Variants in DNER observed in about 807,000 individuals in gnomAD.
DNER encodes delta and Notch-like epidermal growth factor-related receptor.
A neutral mutation model predicts 78.2 loss-of-function variants in DNER; 33 were observed. That is an observed-to-expected ratio of 0.42 (90% CI 0.32 to 0.56). The LOEUF (loss-of-function observed/expected upper bound fraction) is 0.56, where lower values mean the gene tolerates loss of function less well. Among genes scored for constraint, DNER ranks in the 20% least tolerant of loss-of-function variants. The probability of loss-of-function intolerance (pLI) is 0.11; values close to 1 mark genes in which losing one functional copy is unlikely to be tolerated. For synonymous variants in DNER, 417 were observed against 384.8 expected, an observed-to-expected ratio of 1.08 and a Z score of -0.98; for missense variants, 918 against 975.3, an observed-to-expected ratio of 0.94 and a Z score of 0.78.
intron 7 of DNER, among the ~76,000 whole-genome samples, chr2:229,463,987 G>A (rs896557327): frequency 2.0e-5 from 3 of 152,210 alleles, no homozygotes; most frequent in African/African-American, 7.2e-5. Context: ...CGTGGCACCA[G>A]CTCTAACTGT....
chr2:229,371,412 T>C (rs559353810), intron 11 of DNER, among the ~76,000 whole-genome samples: 2 of 152,362 alleles, frequency 1.3e-5, no homozygotes, highest in East Asian at 3.9e-4. Context: ...TGGGTTCATC[T>C]CATCAGCCCC....
At chr2:229,402,943 T>G (rs1462891556) in intron 10 of DNER, among the ~76,000 whole-genome samples, 1 of 152,152 alleles carries the variant, frequency 6.6e-6, no homozygotes, top group Non-Finnish European at 1.5e-5. Context: ...GCAGGGAGGC[T>G]CTCTGTTCAG....
At chr2:229,711,008 C>CACACACAT (rs1559217719) in intron 1 of DNER, among the ~76,000 whole-genome samples, 209 of 151,680 alleles carry the variant, frequency 1.4e-3, no homozygotes, top group African/African-American at 4.7e-3. Context: ...CACACACACA[C>CACACACAT]ACACACACAC....
intron 1 of DNER, among the ~76,000 whole-genome samples, chr2:229,705,508 T>C (rs556681924): frequency 6.6e-6 from 1 of 152,304 alleles, no homozygotes; most frequent in African/African-American, 2.4e-5. Flanking sequence ...ACTTCCAGAA[T>C]GGAACCGCAA....
intron 5 of DNER, among the ~76,000 whole-genome samples, chr2:229,517,969 T>G (rs1402965216): frequency 6.6e-6 from 1 of 152,172 alleles, no homozygotes; most frequent in Non-Finnish European, 1.5e-5. Flanking sequence ...GACCTGAAAA[T>G]GCATTGCACA....
intron 10 of DNER, among the ~76,000 whole-genome samples, chr2:229,389,819 A>G (rs1692978311): frequency 6.6e-6 from 1 of 152,240 alleles, no homozygotes; most frequent in Non-Finnish European, 1.5e-5. Flanking sequence ...CTGTTGAACA[A>G]AACATTTACA....
intron 1 of DNER, among the ~76,000 whole-genome samples, chr2:229,652,689 G>A (rs1226137789): frequency 1.3e-5 from 2 of 152,212 alleles, no homozygotes; most frequent in South Asian, 4.1e-4. Flanking sequence ...AGATATTGAT[G>A]AGCTCAGAAG....
rs777722670 is a variant in DNER, at chr2:229,585,956, C to T, written c.749G>A (p.Cys250Tyr). 2 of 1,614,144 alleles carry T rather than the reference C, an allele frequency of 1.2e-6. No homozygotes were observed. The highest frequency in any genetic ancestry group is 1.7e-6 in the Non-Finnish European group (2 of 1,180,012). The change falls in exon 4 of 13, where the codon TGC (cysteine) becomes TAC (tyrosine). Residue 250 changes from cysteine to tyrosine, a missense_variant. Physicochemically the swap from Cys to Tyr is radical, Grantham distance 194. Transcript: ENST00000341772. ...WKVTATGFQQ[C>Y]SLIDGRSVTP... ...CACACTTCGTCCATCTATGAGGGAG[C>T]ACTGTTGGAATCCTGTGGCCGTGAC... is the stretch of plus-strand genomic sequence containing the variant.
chr2:229,668,258 C>T (rs552906022), intron 1 of DNER, among the ~76,000 whole-genome samples: 1 of 151,858 alleles, frequency 6.6e-6, no homozygotes, highest in Non-Finnish European at 1.5e-5. Flanking sequence ...GTGATGTAGG[C>T]TCATGACTCT....
At chr2:229,462,446 G>A (rs530879414) in intron 7 of DNER, among the ~76,000 whole-genome samples, 18 of 152,124 alleles carry the variant, frequency 1.2e-4, no homozygotes, top group African/African-American at 4.3e-4. Flanking sequence ...CAGAAACCTA[G>A]GAGTCATACC....
chr2:229,605,730 A>AG (rs957713768), intron 1 of DNER, among the ~76,000 whole-genome samples: 3 of 151,838 alleles, frequency 2.0e-5, no homozygotes, highest in Non-Finnish European at 2.9e-5. Context: ...TCTACAAAAA[A>AG]AAAATGCAAA....
In DNER at chr2:229,500,908, C is replaced by A. The variant is rs1349946798; in HGVS notation, c.1147+11875G>T. ...TGTATCATTCTTATGCCTTTGCATT[C>A]TCATAGATTAGCTCCCACTTATGAG... On this transcript the variant is annotated intron_variant, in intron 6 of 12. Coordinates refer to ENST00000341772, the MANE Select transcript of DNER (RefSeq NM_139072.4). 4.6e-5 allele frequency among the ~76,000 whole-genome samples: 7 copies of A among 152,048 alleles called. No homozygotes were observed. The East Asian group carries it at 1.4e-3, about 29-fold the overall frequency.
At chr2:229,699,258 A>T (rs1699707796) in intron 1 of DNER, among the ~76,000 whole-genome samples, 1 of 152,256 alleles carries the variant, frequency 6.6e-6, no homozygotes, top group African/African-American at 2.4e-5. Context: ...GCAGTGTTCC[A>T]GCCTCAATAA....
intron 1 of DNER, among the ~76,000 whole-genome samples, chr2:229,639,257 T>A (rs928544803): frequency 6.6e-6 from 1 of 152,128 alleles, no homozygotes; most frequent in South Asian, 2.1e-4. Context: ...ACCATTTTAT[T>A]TGTTTGTTTG....
At chr2:229,365,706 G>A (rs1574807314) in intron 12 of DNER, among the ~76,000 whole-genome samples, 1 of 152,338 alleles carries the variant, frequency 6.6e-6, no homozygotes, top group Middle Eastern at 3.4e-3. Context: ...AATGTGCTGG[G>A]ATTGCAGGCG....
rs138170910 is a variant in DNER at position 229,500,141 on chromosome 2, G to C, written c.1147+12642C>G. On this transcript the variant is annotated intron_variant, in intron 6 of 12. Transcript: ENST00000341772. The stretch of plus-strand genomic sequence containing the variant: ...GTAGAGACCAGGTTTCACCGTGTTA[G>C]CCAGGATGGTCTCAATCTCCTGACT... Among the ~76,000 whole-genome samples, 1,453 of 152,268 alleles carry C rather than the reference G, an allele frequency of 9.5e-3. 61 individuals carry two copies. The East Asian group carries it at 0.11, about 12-fold the overall frequency.
intron 11 of DNER, among the ~76,000 whole-genome samples, chr2:229,381,124 G>A (rs568313527): frequency 6.6e-5 from 10 of 151,954 alleles, no homozygotes; most frequent in Non-Finnish European, 1.2e-4. Flanking sequence ...CATGGAGGGC[G>A]AGCAGAAGCA....
chr2:229,563,173 TCAA>T (rs1245518280), intron 4 of DNER, among the ~76,000 whole-genome samples: 89 of 103,034 alleles, frequency 8.6e-4, no homozygotes, highest in African/African-American at 3.5e-3. Context: ...ACCATCATCA[TCAA>T]CATCATCACA....
At chr2:229,587,400 C>A (rs1339799997) in intron 3 of DNER, among the ~76,000 whole-genome samples, 1 of 152,172 alleles carries the variant, frequency 6.6e-6, no homozygotes, top group Non-Finnish European at 1.5e-5. Context: ...TCTTCCCCTG[C>A]CAGAGTGAGT....
Sources: gnomAD v4.1 joint callset for allele counts (sites outside exome capture counted in the v4.1 genomes callset) on GRCh38, gnomAD v4.1.1 for gene constraint, MANE v1.5 for transcripts, NCBI Gene and HGNC (gene_info 2026-07-23, HGNC 2026-07-21) for gene names.